Variants in PPP1R16B observed in about 807,000 individuals in gnomAD.
PPP1R16B encodes protein phosphatase 1 regulatory inhibitor subunit 16B.
In PPP1R16B, 14 loss-of-function variants were observed where a neutral mutation model predicts 61.7. That is an observed-to-expected ratio of 0.23 (90% CI 0.15 to 0.35). PPP1R16B has a LOEUF of 0.35. PPP1R16B is among the 10% of genes least tolerant of loss of function. PPP1R16B has a pLI of 1.00. For synonymous variants in PPP1R16B, 266 were observed against 305.3 expected (o/e 0.87, Z 1.34); for missense variants, 547 against 752.5 (o/e 0.73, Z 3.19).
rs1473475821 is a variant in PPP1R16B, at chr20:38,921,201, A to G, written c.*2535A>G. On this transcript the variant is annotated 3_prime_UTR_variant, in exon 11 of 11. Transcript: ENST00000299824. ...TCATGTTTTCAGCCAGGGATAAACC[A>G]TCCCTTCTTGGGGCTTTAAGTCCCT... 6.6e-6 allele frequency: 1 copy of G among 152,180 alleles called. No homozygotes were observed. The highest frequency in any genetic ancestry group is 2.4e-5 in the African/African-American group (1 of 41,460). 9.4% of individuals were successfully genotyped at this position (152,180 alleles called of 1,614,324 possible).
intron 2 of PPP1R16B, among the ~76,000 whole-genome samples, chr20:38,861,684 T>A: frequency 6.7e-6 from 1 of 149,352 alleles, no homozygotes; most frequent in South Asian, 2.1e-4. Context: ...TTTTTTTTTT[T>A]TTTTTTTTTT....
chr20:38,829,809 G>A (rs1011155219), intron 1 of PPP1R16B, among the ~76,000 whole-genome samples: 1 of 152,226 alleles, frequency 6.6e-6, no homozygotes, highest in Non-Finnish European at 1.5e-5. Flanking sequence ...TCAGACGGGG[G>A]TGGGAGGAGG....
At position 38,907,070 on chromosome 20, in the gene PPP1R16B, T is replaced by C. The variant is rs1184965665; in HGVS notation, c.898+16T>C. 3 of 1,595,374 alleles carry C rather than the reference T, an allele frequency of 1.9e-6. No individual in the cohort carries two copies. The highest frequency in any genetic ancestry group is 2.6e-6 in the Non-Finnish European group (3 of 1,162,954). On this transcript the variant is annotated intron_variant, in intron 8 of 10. Transcript: ENST00000299824. The surrounding 1 kb of genome is among the most constrained non-coding windows in gnomAD (Gnocchi z 4.5). Reference sequence around the variant, plus strand: ...ATGCCAATAGGTAAGTCCAGCACAATAGCTGGTGTGCACAAATAGGCAGTT... The same window carrying C: ...ATGCCAATAGGTAAGTCCAGCACAACAGCTGGTGTGCACAAATAGGCAGTT...
chr20:38,852,542 T>C (rs914151489), intron 2 of PPP1R16B, among the ~76,000 whole-genome samples: 1 of 151,978 alleles, frequency 6.6e-6, no homozygotes, highest in Non-Finnish European at 1.5e-5. Context: ...CCTTGGAACC[T>C]CCCCCAAATC....
In PPP1R16B at chr20:38,895,792, T is replaced by TTCCTTCTTTCTCTCCTCCCTCCCTC. The variant is rs2085330963; in HGVS notation, c.467+82_467+83insTCCTTCTTTCTCTCCTCCCTCCCTC. The TTCCTTCTTTCTCTCCTCCCTCCCTC allele has an allele frequency of 7.2e-6, 9 of 1,254,752 alleles. No individual in the cohort carries two copies. In the African/African-American group the frequency reaches 1.2e-4, roughly 17 times the overall value. 77.7% of individuals were successfully genotyped at this position (1,254,752 alleles called of 1,614,324 possible). A position where few individuals can be genotyped will look rare whatever the true frequency, so the allele number is the denominator to read the frequency against. On this transcript the variant is annotated intron_variant, in intron 4 of 10. Coordinates refer to ENST00000299824, the MANE Select transcript of PPP1R16B (RefSeq NM_015568.4). The stretch of plus-strand genomic sequence containing the variant: ...CTTCCTTCTTTCTCTCCTCCCTCCC[T>TTCCTTCTTTCTCTCCTCCCTCCCTC]CCTTCCTTCTTTCTCTCCTCCCTTC...
intron 2 of PPP1R16B, among the ~76,000 whole-genome samples, chr20:38,855,427 G>C (rs1249181887): frequency 6.6e-6 from 1 of 151,044 alleles, no homozygotes; most frequent in African/African-American, 2.4e-5. Flanking sequence ...CTAACATTTT[G>C]TCAAGGAGGC....
intron 3 of PPP1R16B, among the ~76,000 whole-genome samples, chr20:38,893,269 C>T (rs1398834648): frequency 6.6e-6 from 1 of 152,176 alleles, no homozygotes; most frequent in Non-Finnish European, 1.5e-5. Flanking sequence ...ATTGTTATCA[C>T]TGCTATTGTC....
intron 10 of PPP1R16B, among the ~76,000 whole-genome samples, chr20:38,912,515 A>AC (rs1199045180): frequency 1.3e-5 from 2 of 151,522 alleles, no homozygotes; most frequent in Non-Finnish European, 2.9e-5. Flanking sequence ...AAAAAAAAAA[A>AC]AAAAAAAACA....
rs144232796 is a variant in PPP1R16B at position 38,889,644 on chromosome 20, C to T, written c.300C>T (p.Asp100=). ...TCAGCCCTGATTTGTGCAATGAGGA[C>T]GGACTCACAGCCCTACACCAGGTAA... ...NKVSPDLCNE[D]GLTALHQCCI... Residue 100 remains aspartate, a synonymous_variant, in exon 3 of 11, where the codon GAC becomes GAT. Transcript: ENST00000299824. 3.5e-5 allele frequency: 56 copies of T among 1,597,488 alleles called. No individual in the cohort carries two copies. Among genetic ancestry groups the T allele is most frequent in the African/African-American group, 1.3e-4 (10 of 74,676 alleles).
In PPP1R16B at chr20:38,836,272, G is replaced by A. The variant is rs986173679; in HGVS notation, c.250+97G>A. On this transcript the variant is annotated intron_variant, in intron 2 of 10. Coordinates refer to ENST00000299824, the MANE Select transcript of PPP1R16B (RefSeq NM_015568.4). ...GTGCAGTAGACGTGTGGGCAAGGCA[G>A]GTCTGCAGACCCACTTCCAAGTTCC... The A allele has an allele frequency of 5.4e-6, 8 of 1,493,310 alleles. No individual in the cohort carries two copies. In the African/African-American group the frequency reaches 9.7e-5, roughly 18 times the overall value. 92.5% of individuals were successfully genotyped at this position (1,493,310 alleles called of 1,614,324 possible).
At chr20:38,807,147 G>T (rs569805278) in intron 1 of PPP1R16B, among the ~76,000 whole-genome samples, 4 of 152,286 alleles carry the variant, frequency 2.6e-5, no homozygotes, top group East Asian at 1.9e-4. Context: ...GTCCGCAGGG[G>T]TACTTCCCTG....
At chr20:38,850,912 G>T (rs1279633763) in intron 2 of PPP1R16B, among the ~76,000 whole-genome samples, 1 of 149,566 alleles carries the variant, frequency 6.7e-6, no homozygotes, top group African/African-American at 2.5e-5. Context: ...AGGTTGCAGT[G>T]AGCCGAGATC....
intron 1 of PPP1R16B, among the ~76,000 whole-genome samples, chr20:38,818,321 G>C (rs1433539773): frequency 6.6e-6 from 1 of 152,216 alleles, no homozygotes; most frequent in Non-Finnish European, 1.5e-5. Context: ...GAGTACCACT[G>C]GGGAGGAGTG....
At chr20:38,832,927 A>G (rs2084847010) in intron 1 of PPP1R16B, among the ~76,000 whole-genome samples, 1 of 152,226 alleles carries the variant, frequency 6.6e-6, no homozygotes, top group African/African-American at 2.4e-5. Context: ...AAAAAAAAAA[A>G]AAAGTAAATG....
chr20:38,811,703 C>T (rs765035842), intron 1 of PPP1R16B, among the ~76,000 whole-genome samples: 6 of 152,192 alleles, frequency 3.9e-5, no homozygotes, highest in Non-Finnish European at 7.3e-5. Context: ...TTGGCAATGT[C>T]TAAAGACGTT....
At chr20:38,830,662 G>A (rs1385929234) in intron 1 of PPP1R16B, among the ~76,000 whole-genome samples, 1 of 152,310 alleles carries the variant, frequency 6.6e-6, no homozygotes, top group East Asian at 1.9e-4. Context: ...GATGTTAAGG[G>A]TCTGTTAGCA....
intron 10 of PPP1R16B, among the ~76,000 whole-genome samples, chr20:38,911,589 T>C (rs1424189629): frequency 6.6e-6 from 1 of 151,208 alleles, no homozygotes; most frequent in Non-Finnish European, 1.5e-5. Context: ...CAAGCTAGAG[T>C]GCAGTGGCGT....
At chr20:38,865,039 C>T (rs973537546) in intron 2 of PPP1R16B, among the ~76,000 whole-genome samples, 1 of 152,190 alleles carries the variant, frequency 6.6e-6, no homozygotes, top group East Asian at 1.9e-4. Flanking sequence ...CTCTTGGGCT[C>T]TGTCCCCTTA....
chr20:38,907,921 C>T lies in PPP1R16B; in HGVS notation c.1014C>T (p.Ser338=), dbSNP rs546796662. Reference sequence around the variant, plus strand: ...CATCCTTGAGCCGGAGGACCTCCAGCGCAGGCAGCCGTGGGTGAGTCCGGG... The same window carrying T: ...CATCCTTGAGCCGGAGGACCTCCAGTGCAGGCAGCCGTGGGTGAGTCCGGG... ...HKSSLSRRTS[S]AGSRGKVVRR... The change falls in exon 9 of 11, where the codon AGC becomes AGT. Residue 338 remains serine, a synonymous_variant. Transcript: ENST00000299824. The surrounding 1 kb of genome is among the most constrained non-coding windows in gnomAD (Gnocchi z 4.5). 4.0e-5 allele frequency: 64 copies of T among 1,614,182 alleles called. No homozygotes were observed. The highest frequency in any genetic ancestry group is 1.2e-4 in the Admixed American group (7 of 60,024).
Sources: gnomAD v4.1 joint callset for allele counts (sites outside exome capture counted in the v4.1 genomes callset) on GRCh38, gnomAD v4.1.1 for gene constraint, Gnocchi (gnomAD v3.1) non-coding constraint, MANE v1.5 for transcripts, NCBI Gene and HGNC (gene_info 2026-07-23, HGNC 2026-07-21) for gene names.